The following AP1AR variants were observed in gnomAD, a reference collection of about 807,000 sequenced individuals.
The protein encoded by AP1AR is AP-1 complex-associated regulatory protein.
In AP1AR, 29 loss-of-function variants were observed where a neutral mutation model predicts 46.3. The ratio of observed to expected loss-of-function variants is 0.63; its 90% CI spans 0.47 to 0.85. The LOEUF (loss-of-function observed/expected upper bound fraction) is 0.85, where lower values mean the gene tolerates loss of function less well. Among genes scored for constraint, AP1AR ranks in the 40% least tolerant of loss-of-function variants. The pLI is 0.00. For synonymous variants in AP1AR, 122 were observed against 122.9 expected (o/e 0.99, Z 0.05); for missense variants, 357 against 356.3 (o/e 1.00, Z -0.02).
intron 1 of AP1AR, among the ~76,000 whole-genome samples, chr4:112,240,962 T>C (rs1013836815): frequency 1.3e-5 from 2 of 152,176 alleles, no homozygotes; most frequent in African/African-American, 4.8e-5. Context: ...AGAAGAGGGT[T>C]GTCAGTGATT....
At chr4:112,256,461 A>G (rs1276814859) in intron 3 of AP1AR, among the ~76,000 whole-genome samples, 1 of 152,222 alleles carries the variant, frequency 6.6e-6, no homozygotes, top group African/African-American at 2.4e-5. Flanking sequence ...ACACTTTTCA[A>G]GAGAACTCGT....
chr4:112,268,150 A>G lies in AP1AR; in HGVS notation c.650A>G (p.Asn217Ser). The G allele has an allele frequency of 3.2e-6, 5 of 1,558,754 alleles. No homozygotes were observed. The South Asian group carries it at 6.1e-5, about 19-fold the overall frequency. The change falls in exon 10 of 10, where the codon AAT becomes AGT. Residue 217 changes from asparagine to serine, a missense_variant. Asn to Ser is a conservative substitution (Grantham distance 46, BLOSUM62 1). This residue lies in a region of AP1AR where 88 missense variants were observed against 132.7 expected (regional missense o/e 0.66). Coordinates refer to ENST00000274000, the MANE Select transcript of AP1AR (RefSeq NM_018569.6). ...AACTCTGTTCAAATCATAGGAATGA[A>G]TAGAATGCTTCCAATGAGAGAACGT... ...DLEWEDEEGM[N>S]RMLPMRERSK... is the part of the protein sequence containing the mutation.
At chr4:112,244,424 C>G (rs1271357700) in intron 1 of AP1AR, among the ~76,000 whole-genome samples, 1 of 152,094 alleles carries the variant, frequency 6.6e-6, no homozygotes, top group Non-Finnish European at 1.5e-5. Context: ...GGTGAACGGG[C>G]TGGAATATAA....
chr4:112,233,687 T>C (rs1430018342), intron 1 of AP1AR, among the ~76,000 whole-genome samples: 2 of 152,200 alleles, frequency 1.3e-5, no homozygotes, highest in Non-Finnish European at 2.9e-5. Flanking sequence ...CTGTGGACTT[T>C]AGTTTTGTTT....
intron 4 of AP1AR, among the ~76,000 whole-genome samples, chr4:112,258,735 T>C (rs1467160168): frequency 6.6e-6 from 1 of 152,194 alleles, no homozygotes; most frequent in African/African-American, 2.4e-5. Flanking sequence ...GTATCTTGCT[T>C]CCAGTGGAAG....
chr4:112,242,260 A>G (rs143945902), intron 1 of AP1AR, among the ~76,000 whole-genome samples: 34 of 152,288 alleles, frequency 2.2e-4, no homozygotes, highest in African/African-American at 7.9e-4. Flanking sequence ...GTATGCAAGT[A>G]TCTCCACTTT....
intron 4 of AP1AR, 36 bp from the exon 5 acceptor site, chr4:112,260,730 G>C: frequency 7.0e-7 from 1 of 1,420,478 alleles, no homozygotes; most frequent in Non-Finnish European, 9.6e-7. Flanking sequence ...AGAAGTTTTT[G>C]TTTTTTCTTT....
intron 7 of AP1AR, chr4:112,265,435 A>T (rs563345595): frequency 2.7e-6 from 1 of 364,332 alleles, no homozygotes; most frequent in African/African-American, 2.1e-5. Flanking sequence ...TCAGTGTCAC[A>T]TTTCCACAAG....
In AP1AR at chr4:112,265,741, C is replaced by G. The variant is rs762359168; in HGVS notation, c.448C>G (p.Pro150Ala). The G allele has an allele frequency of 1.2e-6, 2 of 1,608,584 alleles. No individual in the cohort carries two copies. Among genetic ancestry groups the G allele is most frequent in the African/African-American group, 1.3e-5 (1 of 74,748 alleles). ...ATTTCACTTTTATTACAGTTCAGGA[C>G]CAGAAGATGACTTCGAATCTTGTTT... is the stretch of plus-strand genomic sequence containing the variant. Reference protein sequence around the residue: ...SNNGEYQSSGPEDDFESCLRN... With the variant: ...SNNGEYQSSGAEDDFESCLRN... Residue 150 changes from proline (P) to alanine (A), a missense_variant, in exon 8 of 10, where the codon CCA becomes GCA. Pro to Ala is a conservative substitution (Grantham distance 27). Transcript: ENST00000274000.
intron 1 of AP1AR, among the ~76,000 whole-genome samples, chr4:112,237,104 A>G (rs189171765): frequency 1.3e-5 from 2 of 152,226 alleles, no homozygotes; most frequent in Admixed American, 1.3e-4. Context: ...CCTAAAATAC[A>G]GTGTTTTCTT....
At chr4:112,249,211 T>A (rs902746522) in intron 1 of AP1AR, among the ~76,000 whole-genome samples, 3 of 152,032 alleles carry the variant, frequency 2.0e-5, no homozygotes, top group Non-Finnish European at 2.9e-5. Context: ...GGAGAATTGC[T>A]TGAACCCAGC....
At chr4:112,256,572 A>G (rs1726209621) in intron 3 of AP1AR, among the ~76,000 whole-genome samples, 1 of 151,970 alleles carries the variant, frequency 6.6e-6, no homozygotes, top group Non-Finnish European at 1.5e-5. Flanking sequence ...TTTACTTCAT[A>G]TTTTGTGTTT....
intron 1 of AP1AR, among the ~76,000 whole-genome samples, chr4:112,235,120 T>C (rs971397713): frequency 7.9e-5 from 12 of 152,340 alleles, no homozygotes; most frequent in African/African-American, 2.6e-4. Context: ...GAGAATTAAA[T>C]ATCTTTAAGG....
In AP1AR at chr4:112,232,144, G is replaced by A. The variant is rs1473897672; in HGVS notation, c.53G>A (p.Gly18Glu). Residue 18 changes from glycine to glutamate, a missense_variant, in exon 1 of 10, where the codon GGG (glycine) becomes GAG (glutamate). By Grantham distance (98) the Gly-to-Glu change is moderately conservative (BLOSUM62 -2). This residue lies in a region of AP1AR where 269 missense variants were observed against 223.6 expected (regional missense o/e 1.20). Coordinates refer to ENST00000274000, the MANE Select transcript of AP1AR (RefSeq NM_018569.6). ...QCFGLLRKEA[G>E]RLQRVGGGGG... ...TTCGGACTGCTTCGCAAGGAAGCGG[G>A]GCGGCTGCAGCGAGTAGGCGGCGGC... 3.1e-6 allele frequency: 4 copies of A among 1,283,322 alleles called. No individual in the cohort carries two copies. The highest frequency in any genetic ancestry group is 4.1e-5 in the Admixed American group (1 of 24,430). 79.5% of individuals were successfully genotyped at this position (1,283,322 alleles called of 1,614,324 possible). A position where few individuals can be genotyped will look rare whatever the true frequency, so the allele number is the denominator to read the frequency against.
intron 4 of AP1AR, among the ~76,000 whole-genome samples, chr4:112,259,380 T>A (rs550815798): frequency 2.0e-5 from 3 of 152,334 alleles, no homozygotes; most frequent in African/African-American, 7.2e-5. Context: ...ATGACTTACT[T>A]AGCCATACTC....
At position 112,269,163 on chromosome 4, in the gene AP1AR, T is replaced by C. The variant is rs1222446219; in HGVS notation, c.*754T>C. ...GCCACTATATTGACTTTAATTGATATACAGTATTAAGTTTTTAGGTGCCAT... is the reference window on the plus strand; with the variant it reads ...GCCACTATATTGACTTTAATTGATACACAGTATTAAGTTTTTAGGTGCCAT... On this transcript the variant is annotated 3_prime_UTR_variant, in exon 10 of 10. Transcript: ENST00000274000. 5 of 151,918 alleles carry C rather than the reference T, an allele frequency of 3.3e-5. No homozygotes were observed. Among genetic ancestry groups the C allele is most frequent in the Admixed American group, 6.6e-5 (1 of 15,204 alleles). The allele number at this position is 151,918 out of a possible 1,614,324, so 9.4% of individuals were successfully genotyped here.
intron 1 of AP1AR, among the ~76,000 whole-genome samples, chr4:112,233,983 T>G (rs1284267103): frequency 6.6e-6 from 1 of 152,150 alleles, no homozygotes; most frequent in African/African-American, 2.4e-5. Context: ...CTCAGCCTCC[T>G]GAGTAGCTGG....
chr4:112,244,158 G>A (rs934770104), intron 1 of AP1AR, among the ~76,000 whole-genome samples: 2 of 152,154 alleles, frequency 1.3e-5, no homozygotes, highest in African/African-American at 4.8e-5. Context: ...CTAAATAAAT[G>A]CAGGGCAATA....
At position 112,268,354 on chromosome 4, in the gene AP1AR, T is replaced by C; in HGVS notation, c.854T>C (p.Leu285Ser). ...SEYSGFVNPV[L>S]ELSDSGIRHS... ...TATTCTGGATTTGTAAATCCTGTAT[T>C]AGAACTGTCTGATTCTGGCATAAGG... The change falls in exon 10 of 10, where the codon TTA (leucine) becomes TCA (serine). Residue 285 changes from leucine to serine, a missense_variant. Leu to Ser is a moderately radical substitution (Grantham distance 145). Transcript: ENST00000274000. The C allele has an allele frequency of 6.2e-7, 1 of 1,612,198 alleles. No homozygotes were observed. The highest frequency in any genetic ancestry group is 8.5e-7 in the Non-Finnish European group (1 of 1,178,906).
Sources: gnomAD v4.1 joint callset for allele counts (sites outside exome capture counted in the v4.1 genomes callset) on GRCh38, gnomAD v4.1.1 for gene constraint, gnomAD v4.1.1 regional missense constraint, MANE v1.5 for transcripts, NCBI Gene and HGNC (gene_info 2026-07-23, HGNC 2026-07-21) for gene names.